MRPS27: variants seen among roughly 807,000 people sequenced by gnomAD.
MRPS27 encodes mitochondrial ribosomal protein S27.
MRPS27 carries 43 observed loss-of-function variants against 48.9 expected under a neutral mutation model. The ratio of observed to expected loss-of-function variants is 0.88; its 90% CI spans 0.69 to 1.13. The LOEUF (loss-of-function observed/expected upper bound fraction) is 1.13. Among genes scored for constraint, MRPS27 ranks in the 50% most tolerant of loss-of-function variants. MRPS27 has a pLI of 0.00. For missense variants in MRPS27, 467 were observed against 476.3 expected (o/e 0.98, Z 0.18); for synonymous variants, 188 against 171.9 (o/e 1.09, Z -0.73).
chr5:72,252,570 A>G (rs918145487), intron 4 of MRPS27, among the ~76,000 whole-genome samples: 7 of 152,208 alleles, frequency 4.6e-5, no homozygotes, highest in Admixed American at 6.5e-5. Context: ...ATCCTAGCCT[A>G]AGAGCCCACA....
intron 7 of MRPS27, 98 bp from the exon 8 acceptor site, chr5:72,228,466 C>T: frequency 1.3e-6 from 1 of 755,670 alleles, no homozygotes; most frequent in South Asian, 1.9e-5. Context: ...CATGTTATAG[C>T]ATTAAGTAAA....
chr5:72,237,271 T>C (rs919888666), intron 5 of MRPS27, among the ~76,000 whole-genome samples: 5 of 152,168 alleles, frequency 3.3e-5, no homozygotes, highest in Non-Finnish European at 7.3e-5. Context: ...CTCATTTTTG[T>C]ATCCACTATC....
At chr5:72,307,117 G>A (rs1050484595) in intron 2 of MRPS27, among the ~76,000 whole-genome samples, 3 of 152,140 alleles carry the variant, frequency 2.0e-5, no homozygotes, top group Non-Finnish European at 4.4e-5. Context: ...ACTTGGGGAG[G>A]CCGAGGTGGG....
intron 4 of MRPS27, chr5:72,241,434 C>G: frequency 1.9e-6 from 1 of 536,658 alleles, no homozygotes; most frequent in Non-Finnish European, 3.3e-6. Context: ...TTTCTTGGCC[C>G]CCATCAGCAT....
chr5:72,263,026 C>T (rs1014672180), intron 4 of MRPS27, among the ~76,000 whole-genome samples: 13 of 152,084 alleles, frequency 8.5e-5, no homozygotes, highest in Non-Finnish European at 1.5e-4. Context: ...ACTGGGTTAA[C>T]CATACATCCA....
At chr5:72,242,648 C>T (rs1173843372) in intron 4 of MRPS27, among the ~76,000 whole-genome samples, 2 of 138,398 alleles carry the variant, frequency 1.4e-5, no homozygotes, top group African/African-American at 2.9e-5. Context: ...GTCTAGGCAA[C>T]ACAGCGAGAC....
chr5:72,223,673 T>C lies in MRPS27; in HGVS notation c.1005+10A>G. 2 of 1,613,936 alleles carry C rather than the reference T, an allele frequency of 1.2e-6. No individual in the cohort carries two copies. The highest frequency in any genetic ancestry group is 1.1e-5 in the South Asian group (1 of 91,070). ...CGCTGCTAAGAGAGACACGTTCTGC[T>C]ATGATTCACCTTAAATCGTTCCAGG... On this transcript the variant is annotated intron_variant, in intron 10 of 10. Transcript: ENST00000261413.
chr5:72,223,718 GCT>G lies in MRPS27; in HGVS notation c.968_969del (p.Glu323AlafsTer12). The G allele has an allele frequency of 2.5e-6, 4 of 1,614,056 alleles. No homozygotes were observed. The highest frequency in any genetic ancestry group is 3.4e-6 in the Non-Finnish European group (4 of 1,179,946). The stretch of plus-strand genomic sequence containing the variant: ...TCCAGGTATTGAGGAAGCTTGGACT[GCT>G]CTGTTTCCTCGATGTCTAACTGCTC... Reference protein sequence around the residue: ...LVEQLDIEETEQSKLPQYLER... With the variant: ...LVEQLDIEETXQSKLPQYLER... On this transcript the variant is annotated frameshift_variant, in exon 10 of 11. Coordinates refer to ENST00000261413, the MANE Select transcript of MRPS27 (RefSeq NM_015084.3). LOFTEE classifies it low-confidence loss of function (END_TRUNC).
chr5:72,304,339 T>C (rs1750200721), intron 2 of MRPS27, among the ~76,000 whole-genome samples: 1 of 151,808 alleles, frequency 6.6e-6, no homozygotes, highest in Admixed American at 6.6e-5. Flanking sequence ...GTGACAGAAA[T>C]AAATCCAATT....
chr5:72,262,656 G>A (rs1749013204), intron 4 of MRPS27, among the ~76,000 whole-genome samples: 1 of 151,850 alleles, frequency 6.6e-6, no homozygotes, highest in Admixed American at 6.5e-5. Context: ...AAAGCAAGTG[G>A]ACAGAAAAAA....
chr5:72,261,282 C>T (rs950893201), intron 4 of MRPS27, among the ~76,000 whole-genome samples: 2 of 151,504 alleles, frequency 1.3e-5, no homozygotes, highest in East Asian at 2.0e-4. Flanking sequence ...GACGGAGTCT[C>T]GTTTTGTTGC....
chr5:72,309,606 C>T (rs1301908199), intron 2 of MRPS27, among the ~76,000 whole-genome samples: 3 of 152,180 alleles, frequency 2.0e-5, no homozygotes, highest in Non-Finnish European at 4.4e-5. Context: ...TTACTGCTTA[C>T]TCAGGTATCC....
intron 4 of MRPS27, among the ~76,000 whole-genome samples, chr5:72,280,915 G>A (rs1170161197): frequency 1.3e-5 from 2 of 152,202 alleles, no homozygotes; most frequent in South Asian, 2.1e-4. Context: ...TTAGCAATAC[G>A]GGTACACGTA....
chr5:72,262,008 T>A (rs977809772), intron 4 of MRPS27, among the ~76,000 whole-genome samples: 3 of 152,294 alleles, frequency 2.0e-5, no homozygotes, highest in African/African-American at 7.2e-5. Context: ...GCCATATCTA[T>A]AAAAACACCA....
intron 6 of MRPS27, among the ~76,000 whole-genome samples, chr5:72,233,032 G>A (rs1748104290): frequency 6.6e-6 from 1 of 152,086 alleles, no homozygotes; most frequent in South Asian, 2.1e-4. Flanking sequence ...CAGACAGGCT[G>A]GTCTGACTGC....
intron 10 of MRPS27, 83 bp from the exon 11 acceptor site, chr5:72,221,231 A>T: frequency 6.6e-7 from 1 of 1,511,956 alleles, no homozygotes. Context: ...GCCCTGAGTG[A>T]CTGACTTTAG....
intron 4 of MRPS27, among the ~76,000 whole-genome samples, chr5:72,290,704 C>T (rs143453349): frequency 5.9e-5 from 9 of 152,114 alleles, no homozygotes; most frequent in South Asian, 2.1e-4. Context: ...AACAAGAGGG[C>T]GTGTGGATAG....
At chr5:72,306,866 CTGGTAGGGAATTGATAATTGCTGG>C (rs1750283658) in intron 2 of MRPS27, among the ~76,000 whole-genome samples, 1 of 152,090 alleles carries the variant, frequency 6.6e-6, no homozygotes, top group Non-Finnish European at 1.5e-5. Context: ...TGAAACAACA[CTGGTAGGGAATTGATAATTGCTGG>C]AGCTGGGTGA....
intron 4 of MRPS27, among the ~76,000 whole-genome samples, chr5:72,281,775 G>A (rs924808771): frequency 1.3e-5 from 2 of 152,174 alleles, no homozygotes; most frequent in Admixed American, 6.5e-5. Flanking sequence ...TAATCTATAC[G>A]TATGAGATGC....
Sources: gnomAD v4.1 joint callset for allele counts (sites outside exome capture counted in the v4.1 genomes callset) on GRCh38, gnomAD v4.1.1 for gene constraint, MANE v1.5 for transcripts, NCBI Gene and HGNC (gene_info 2026-07-23, HGNC 2026-07-21) for gene names.